Variants in LRMDA observed in about 807,000 individuals in gnomAD.
LRMDA encodes leucine-rich melanocyte differentiation-associated protein.
In LRMDA, 18 loss-of-function variants were observed where a neutral mutation model predicts 29.8. The observed-to-expected ratio is 0.60, with a 90% CI of 0.42 to 0.90. The LOEUF is 0.90. Ranked by LOEUF, LRMDA falls within the 40% of genes least tolerant of loss-of-function variation. LRMDA has a pLI of 0.00. For missense variants in LRMDA, 273 were observed against 273.9 expected, an observed-to-expected ratio of 1.00 and a Z score of 0.02; for synonymous variants, 125 against 109.4, an observed-to-expected ratio of 1.14 and a Z score of -0.89.
chr10:76,426,096 A>G (rs1028423360), intron 6 of LRMDA, among the ~76,000 whole-genome samples: 2 of 152,200 alleles, frequency 1.3e-5, no homozygotes, highest in Non-Finnish European at 2.9e-5. Flanking sequence ...AGCATGATTT[A>G]TATTCCTTTG....
chr10:76,106,478 T>C (rs990974525), intron 5 of LRMDA, among the ~76,000 whole-genome samples: 2 of 152,226 alleles, frequency 1.3e-5, no homozygotes, highest in African/African-American at 4.8e-5. Context: ...GAAATATCCC[T>C]GTATCATTTC....
At chr10:76,091,249 C>G (rs1849226032) in intron 5 of LRMDA, among the ~76,000 whole-genome samples, 1 of 151,746 alleles carries the variant, frequency 6.6e-6, no homozygotes. Flanking sequence ...CCACCCCAAA[C>G]TGTTCTCCTG....
In LRMDA at chr10:75,559,395, C is replaced by T. The variant is rs61862494; in HGVS notation, c.131+120901C>T. On this transcript the variant is annotated intron_variant, in intron 2 of 6. Coordinates refer to ENST00000611255, the MANE Select transcript of LRMDA (RefSeq NM_001305581.2). Reference sequence around the variant, plus strand: ...GATGGGGTTGTTTGTTTTTTTCTTGCAAATTTGTTTGAGTTCATTGTAGAT... The same window carrying T: ...GATGGGGTTGTTTGTTTTTTTCTTGTAAATTTGTTTGAGTTCATTGTAGAT... 5.6e-4 allele frequency among the ~76,000 whole-genome samples: 85 copies of T among 150,854 alleles called. 1 individual carries two copies. The highest frequency in any genetic ancestry group is 1.8e-3 in the African/African-American group (73 of 41,050).
intron 2 of LRMDA, among the ~76,000 whole-genome samples, chr10:76,024,195 G>C (rs1564632815): frequency 6.6e-6 from 1 of 152,334 alleles, no homozygotes; most frequent in South Asian, 2.1e-4. Context: ...CACCACACTG[G>C]CTTCCTGCTG....
intron 5 of LRMDA, among the ~76,000 whole-genome samples, chr10:76,085,834 A>C (rs558240771): frequency 4.8e-4 from 73 of 152,102 alleles, no homozygotes; most frequent in Non-Finnish European, 9.3e-4. Flanking sequence ...GCTCTCCCTC[A>C]CACTCACACC....
At chr10:76,206,965 C>T (rs1436776824) in intron 5 of LRMDA, among the ~76,000 whole-genome samples, 1 of 152,192 alleles carries the variant, frequency 6.6e-6, no homozygotes, top group Non-Finnish European at 1.5e-5. Context: ...GTGGCCACAA[C>T]AATTCTGTAA....
At chr10:76,100,309 G>A (rs1464237492) in intron 5 of LRMDA, among the ~76,000 whole-genome samples, 2 of 152,066 alleles carry the variant, frequency 1.3e-5, no homozygotes, top group Non-Finnish European at 2.9e-5. Flanking sequence ...GGAATCTATT[G>A]GGCAAAAAGG....
chr10:76,274,336 T>A (rs1449906905), intron 5 of LRMDA, among the ~76,000 whole-genome samples: 1 of 152,200 alleles, frequency 6.6e-6, no homozygotes, highest in Non-Finnish European at 1.5e-5. Flanking sequence ...AAATTAGATA[T>A]GGATCATCTG....
At chr10:76,026,508 A>G (rs1162274288) in intron 2 of LRMDA, among the ~76,000 whole-genome samples, 1 of 152,218 alleles carries the variant, frequency 6.6e-6, no homozygotes, top group Non-Finnish European at 1.5e-5. Flanking sequence ...TATTTTACAC[A>G]AATAGAGCTG....
At chr10:76,119,114 G>GT (rs1193983445) in intron 5 of LRMDA, among the ~76,000 whole-genome samples, 1 of 151,936 alleles carries the variant, frequency 6.6e-6, no homozygotes, top group Non-Finnish European at 1.5e-5. Context: ...GTGAACATCT[G>GT]TTGGTATTCC....
chr10:76,078,578 G>A (rs1263903418), intron 5 of LRMDA, among the ~76,000 whole-genome samples: 1 of 152,030 alleles, frequency 6.6e-6, no homozygotes, highest in African/African-American at 2.4e-5. Context: ...GCTCATGCCT[G>A]TAATCCCAGC....
intron 2 of LRMDA, among the ~76,000 whole-genome samples, chr10:75,874,215 C>CAG (rs747859076): frequency 6.6e-6 from 1 of 152,174 alleles, no homozygotes; most frequent in Non-Finnish European, 1.5e-5. Flanking sequence ...GAAGGGGCTT[C>CAG]AAGCTCATTT....
rs112023799 is a variant in LRMDA at position 75,466,341 on chromosome 10, G to T, written c.131+27847G>T. ...GATTTTTATTCCCTTCCCATCTTTG[G>T]TTTTTCCTGGGTCTGTAGTGATAGA... On this transcript the variant is annotated intron_variant, in intron 2 of 6. Coordinates refer to ENST00000611255, the MANE Select transcript of LRMDA (RefSeq NM_001305581.2). 7.0e-3 allele frequency among the ~76,000 whole-genome samples: 1,068 copies of T among 152,146 alleles called. 16 individuals are homozygous for T. Among genetic ancestry groups the T allele is most frequent in the African/African-American group, 0.023 (946 of 41,508 alleles).
chr10:76,406,688 A>G (rs913864080), intron 6 of LRMDA, among the ~76,000 whole-genome samples: 1 of 152,170 alleles, frequency 6.6e-6, no homozygotes, highest in African/African-American at 2.4e-5. Context: ...GTGGGTTGTC[A>G]GGTGTCCTTT....
At chr10:76,306,638 T>C (rs1044380830) in intron 5 of LRMDA, among the ~76,000 whole-genome samples, 1 of 152,160 alleles carries the variant, frequency 6.6e-6, no homozygotes, top group Non-Finnish European at 1.5e-5. Flanking sequence ...GCCTGAAAGA[T>C]AAAGAGGGCC....
intron 2 of LRMDA, chr10:75,451,597 T>A (rs1844460605): frequency 6.6e-6 from 1 of 152,204 alleles, no homozygotes; most frequent in African/African-American, 2.4e-5. Flanking sequence ...CTGGCAGGGC[T>A]GTTTTTCTTG....
intron 2 of LRMDA, among the ~76,000 whole-genome samples, chr10:75,727,720 C>G (rs1452807535): frequency 6.6e-6 from 1 of 152,000 alleles, no homozygotes; most frequent in East Asian, 1.9e-4. Flanking sequence ...CAGTTAATTC[C>G]TTTTCTATTT....
rs201504185 is a variant in LRMDA at position 75,525,595 on chromosome 10, T to TC, written c.131+87101_131+87102insC. Among the ~76,000 whole-genome samples the TC allele has an allele frequency of 4.0e-3, 586 of 148,242 alleles. 7 individuals are homozygous for TC. The highest frequency in any genetic ancestry group is 0.032 in the East Asian group (163 of 5,078). ...TTTTCTTTTTCTTTCTTTCTTTCTT[T>TC]TTTTTTTTTTTTTTGTGAGAAAAGG... On this transcript the variant is annotated intron_variant, in intron 2 of 6. Transcript: ENST00000611255.
chr10:75,897,136 C>T lies in LRMDA; in HGVS notation c.132-138872C>T, dbSNP rs140939894. On this transcript the variant is annotated intron_variant, in intron 2 of 6. Coordinates refer to ENST00000611255, the MANE Select transcript of LRMDA (RefSeq NM_001305581.2). Reference sequence around the variant, plus strand: ...TGTTCTGAACCAGTGGCCATTCTTCCGCCATGTATAATAGCAATATCTATC... The same window carrying T: ...TGTTCTGAACCAGTGGCCATTCTTCTGCCATGTATAATAGCAATATCTATC... Among the ~76,000 whole-genome samples the T allele has an allele frequency of 6.7e-3, 1,027 of 152,246 alleles. 14 individuals carry two copies. The highest frequency in any genetic ancestry group is 0.024 in the African/African-American group (976 of 41,532).
Sources: gnomAD v4.1 joint callset for allele counts (sites outside exome capture counted in the v4.1 genomes callset) on GRCh38, gnomAD v4.1.1 for gene constraint, MANE v1.5 for transcripts, NCBI Gene and HGNC (gene_info 2026-07-23, HGNC 2026-07-21) for gene names.